The following SAXO1 variants were observed in gnomAD, a reference collection of about 807,000 sequenced individuals.
SAXO1 encodes stabilizer of axonemal microtubules 1.
Under a neutral mutation model 17.5 loss-of-function variants are expected in SAXO1, and 21 were observed. The observed-to-expected ratio is 1.20, with a 90% CI of 0.85 to 1.72. SAXO1 has a LOEUF of 1.72. Among genes scored for constraint, SAXO1 ranks in the 40% most tolerant of loss-of-function variants. The pLI is 0.00. For synonymous variants in SAXO1, 274 were observed against 216.5 expected (o/e 1.27, Z -2.33); for missense variants, 843 against 596.0 (o/e 1.41, Z -4.32).
chr9:18,938,527 G>T (rs1233001760), intron 3 of SAXO1, among the ~76,000 whole-genome samples: 1 of 152,012 alleles, frequency 6.6e-6, no homozygotes, highest in East Asian at 1.9e-4. Flanking sequence ...ACAGTACTAA[G>T]GGGGCAGGGG....
upstream of SAXO1, among the ~76,000 whole-genome samples, chr9:19,037,544 A>G (rs770715541): frequency 2.0e-5 from 3 of 152,074 alleles, no homozygotes; most frequent in Non-Finnish European, 2.9e-5. Flanking sequence ...CCGCTTTTGC[A>G]TCCTCCTCAT....
chr9:19,007,277 G>C lies in SAXO1; in HGVS notation c.38+25594C>G, dbSNP rs188619792. Among the ~76,000 whole-genome samples the C allele has an allele frequency of 3.8e-3, 581 of 152,162 alleles. 4 individuals are homozygous for C. Among genetic ancestry groups the C allele is most frequent in the African/African-American group, 0.013 (557 of 41,482 alleles). On this transcript the variant is annotated intron_variant, in intron 1 of 3. Coordinates refer to ENST00000380534, the MANE Select transcript of SAXO1 (RefSeq NM_153707.4). ...CAGGAAAATCGCTTGAACCCGGGAG[G>C]CAGAGGTTGCAGTGAGCTGAGATCG...
At chr9:19,017,374 G>T (rs1399011568) in intron 1 of SAXO1, among the ~76,000 whole-genome samples, 1 of 152,050 alleles carries the variant, frequency 6.6e-6, no homozygotes, top group African/African-American at 2.4e-5. Context: ...CATACCCACA[G>T]AATCTAAAAT....
At chr9:19,023,824 AAGGAAAGGG>A (rs1563988227) in intron 1 of SAXO1, among the ~76,000 whole-genome samples, 1 of 151,928 alleles carries the variant, frequency 6.6e-6, no homozygotes, top group East Asian at 1.9e-4. Context: ...GAAAGAAAGG[AAGGAAAGGG>A]AGGAAAGGAA....
rs1219279018 is a variant in SAXO1 at position 18,941,839 on chromosome 9, C to A, written c.219G>T (p.Arg73Ser). The change falls in exon 3 of 4, where the codon AGG becomes AGT. Residue 73 changes from arginine to serine, a missense_variant and splice_region_variant. Transcript: ENST00000380534. Reference sequence around the variant, plus strand: ...CCACTTTGTGAGGCCCAAAATCTCTCCTGTAAGGAAGCAAGTGCATGCTGT... The same window carrying A: ...CCACTTTGTGAGGCCCAAAATCTCTACTGTAAGGAAGCAAGTGCATGCTGT... Reference protein sequence around the residue: ...PIPMEGLTTSRRDFGPHKVAP... With the variant: ...PIPMEGLTTSSRDFGPHKVAP... 1 of 1,614,186 alleles carries A rather than the reference C, an allele frequency of 6.2e-7. No individual in the cohort carries two copies. Among genetic ancestry groups the A allele is most frequent in the Admixed American group, 1.7e-5 (1 of 60,028 alleles).
At chr9:18,929,603 G>C (rs547401170) in intron 3 of SAXO1, among the ~76,000 whole-genome samples, 2 of 152,330 alleles carry the variant, frequency 1.3e-5, no homozygotes, top group South Asian at 4.1e-4. Flanking sequence ...CAAGGGAATA[G>C]GGCATTGTAT....
At chr9:18,946,948 T>C (rs10963858) in intron 2 of SAXO1, among the ~76,000 whole-genome samples, 15,734 of 152,112 alleles carry the variant, frequency 0.1, 1,587 homozygotes, top group African/African-American at 0.27. Context: ...AACTATCCAA[T>C]CTGAAGAACA....
rs529725154 is a variant in SAXO1 at position 18,998,493 on chromosome 9, T to C, written c.38+34378A>G. The stretch of plus-strand genomic sequence containing the variant: ...AAAGACCAAATCTATGTCTGATTGG[T>C]GTACCTGAAAGTGATGGGGAGAATG... On this transcript the variant is annotated intron_variant, in intron 1 of 3. Transcript: ENST00000380534. Among the ~76,000 whole-genome samples, 19 of 152,290 alleles carry C rather than the reference T, an allele frequency of 1.2e-4. No homozygotes were observed. The East Asian group carries it at 3.7e-3, about 29-fold the overall frequency.
At chr9:19,037,265 G>C (rs1163840028), upstream of SAXO1, among the ~76,000 whole-genome samples, 1 of 152,210 alleles carries the variant, frequency 6.6e-6, no homozygotes, top group Non-Finnish European at 1.5e-5. Flanking sequence ...TCGGGTTAAT[G>C]CCGAAATGAC....
intron 1 of SAXO1, among the ~76,000 whole-genome samples, chr9:18,964,223 T>C (rs112931853): frequency 6.6e-6 from 1 of 152,352 alleles, no homozygotes; most frequent in African/African-American, 2.4e-5. Flanking sequence ...GATATTGGCC[T>C]GAAATTTTCT....
chr9:19,046,202 A>C (rs1836212414), intron 1 of SAXO1, among the ~76,000 whole-genome samples: 1 of 152,060 alleles, frequency 6.6e-6, no homozygotes, highest in Non-Finnish European at 1.5e-5. Context: ...ATCCTCAGAG[A>C]GATAAAAGAA....
At position 18,928,090 on chromosome 9, in the gene SAXO1, C is replaced by T; in HGVS notation, c.1387G>A (p.Glu463Lys). The T allele has an allele frequency of 6.2e-7, 1 of 1,611,014 alleles. No homozygotes were observed. Among genetic ancestry groups the T allele is most frequent in the South Asian group, 1.1e-5 (1 of 90,904 alleles). Residue 463 changes from glutamate to lysine, a missense_variant, in exon 4 of 4, where the codon GAA (glutamate) becomes AAA (lysine). By Grantham distance (56) the Glu-to-Lys change is moderately conservative (BLOSUM62 1). Coordinates refer to ENST00000380534, the MANE Select transcript of SAXO1 (RefSeq NM_153707.4). ...TCCAACTCCCTCTGGTTGGGGTTTT[C>T]TGAATCATCTACAGAAAGATGGCTG... ...QSSHLSVDDS[E>K]NPNQRELEVL...
At chr9:18,968,506 G>T (rs1832816957) in intron 1 of SAXO1, among the ~76,000 whole-genome samples, 2 of 152,022 alleles carry the variant, frequency 1.3e-5, no homozygotes, top group Admixed American at 6.6e-5. Context: ...ATTTTGGGGA[G>T]AAATAGAAAG....
intron 1 of SAXO1, chr9:19,028,210 C>CA (rs35006095): frequency 0.1 from 106,290 of 1,034,286 alleles, 5,756 homozygotes; most frequent in Non-Finnish European, 0.11. Context: ...TAAAACAAAA[C>CA]AAAAAAAATA....
intron 3 of SAXO1, among the ~76,000 whole-genome samples, chr9:18,938,245 A>G (rs1001639381): frequency 6.6e-6 from 1 of 152,232 alleles, no homozygotes; most frequent in African/African-American, 2.4e-5. Flanking sequence ...CAGCCATTAT[A>G]TTAGTCAGTT....
chr9:19,009,414 A>G (rs192396311), intron 1 of SAXO1, among the ~76,000 whole-genome samples: 1 of 152,314 alleles, frequency 6.6e-6, no homozygotes, highest in African/African-American at 2.4e-5. Context: ...TAAAAACTCA[A>G]CTAGGAATAC....
intron 1 of SAXO1, among the ~76,000 whole-genome samples, chr9:18,998,752 T>C (rs1018702510): frequency 1.3e-5 from 2 of 152,186 alleles, no homozygotes; most frequent in Non-Finnish European, 2.9e-5. Context: ...CCCATTAGAC[T>C]AACAGCAGAT....
At chr9:18,975,090 G>A (rs892027216) in intron 1 of SAXO1, among the ~76,000 whole-genome samples, 1 of 152,178 alleles carries the variant, frequency 6.6e-6, no homozygotes, top group African/African-American at 2.4e-5. Context: ...TGAATCAGGT[G>A]TTGAAGGATG....
rs147892361 is a variant in SAXO1 at position 19,042,723 on chromosome 9, A to G, written c.-158+6486T>C. On this transcript the variant is annotated intron_variant, in intron 1 of 3. Coordinates refer to the SAXO1 transcript ENST00000542071. ...ACTAAGAATACAAAATTAGCCAGGC[A>G]TGGTGGTGCATGCCTGTAATCCCCG... 2.0e-3 allele frequency among the ~76,000 whole-genome samples: 308 copies of G among 152,290 alleles called. 11 individuals carry two copies. In the East Asian group the frequency reaches 0.055, roughly 27 times the overall value.
Sources: gnomAD v4.1 joint callset for allele counts (sites outside exome capture counted in the v4.1 genomes callset) on GRCh38, gnomAD v4.1.1 for gene constraint, MANE v1.5 for transcripts, NCBI Gene and HGNC (gene_info 2026-07-23, HGNC 2026-07-21) for gene names.